NFKB1: variants seen among roughly 807,000 people sequenced by gnomAD.
NFKB1 encodes the protein nuclear factor kappa B subunit 1.
In NFKB1, 9 loss-of-function variants were observed where a neutral mutation model predicts 105.1. The ratio of observed to expected loss-of-function variants is 0.09; its 90% CI spans 0.05 to 0.15. The LOEUF is 0.15. Among genes scored for constraint, NFKB1 ranks in the 10% least tolerant of loss-of-function variants. NFKB1 has a pLI of 1.00. For missense variants in NFKB1, 830 were observed against 1,203.7 expected, an observed-to-expected ratio of 0.69 and a Z score of 4.59; for synonymous variants, 440 against 442.2, an observed-to-expected ratio of 1.00 and a Z score of 0.06.
chr4:102,519,872 T>G (rs1423208937), intron 1 of NFKB1, among the ~76,000 whole-genome samples: 2 of 152,160 alleles, frequency 1.3e-5, no homozygotes, highest in African/African-American at 4.8e-5. Context: ...TTAAGAGAAA[T>G]ATGTGAAGTT....
chr4:102,544,484 A>G (rs1044458163), intron 5 of NFKB1, among the ~76,000 whole-genome samples: 1 of 152,146 alleles, frequency 6.6e-6, no homozygotes, highest in Admixed American at 6.6e-5. Context: ...GAAGCTCACC[A>G]TTAGTGATTG....
chr4:102,519,257 A>G (rs544255242), intron 1 of NFKB1, among the ~76,000 whole-genome samples: 1 of 148,378 alleles, frequency 6.7e-6, no homozygotes, highest in South Asian at 2.1e-4. Flanking sequence ...AGTTTAATAT[A>G]TAAGTATATA....
chr4:102,577,553 C>A (rs189434772), intron 7 of NFKB1, among the ~76,000 whole-genome samples: 34 of 152,154 alleles, frequency 2.2e-4, no homozygotes, highest in Non-Finnish European at 3.1e-4. Flanking sequence ...CATTTTCTTG[C>A]CTTTTCTCAA....
intron 3 of NFKB1, among the ~76,000 whole-genome samples, chr4:102,532,078 A>G (rs1246377060): frequency 2.6e-5 from 4 of 152,192 alleles, no homozygotes; most frequent in Admixed American, 1.3e-4. Context: ...TGGTGGGGGA[A>G]TTTTTAAATT....
chr4:102,535,608 T>C (rs1055857244), intron 4 of NFKB1, among the ~76,000 whole-genome samples: 1 of 152,132 alleles, frequency 6.6e-6, no homozygotes, highest in Non-Finnish European at 1.5e-5. Context: ...TGAATGTGGA[T>C]TAAAGGCAAA....
chr4:102,602,805 T>C (rs1727304485), intron 16 of NFKB1, among the ~76,000 whole-genome samples: 1 of 152,220 alleles, frequency 6.6e-6, no homozygotes, highest in Admixed American at 6.5e-5. Context: ...ATTGTAGATT[T>C]ACATTTAAAG....
At chr4:102,592,647 C>G (rs1378475020) in intron 11 of NFKB1, among the ~76,000 whole-genome samples, 1 of 152,144 alleles carries the variant, frequency 6.6e-6, no homozygotes, top group East Asian at 1.9e-4. Flanking sequence ...TACTGGGAAA[C>G]CAAAAACATC....
chr4:102,565,678 T>TCTCC (rs1033927089), intron 5 of NFKB1, among the ~76,000 whole-genome samples: 2 of 151,808 alleles, frequency 1.3e-5, no homozygotes, highest in African/African-American at 4.8e-5. Context: ...TCCCTCCCTC[T>TCTCC]CTCCCTCCCT....
chr4:102,556,853 T>C (rs892779251), intron 5 of NFKB1, among the ~76,000 whole-genome samples: 1 of 152,206 alleles, frequency 6.6e-6, no homozygotes, highest in Admixed American at 6.5e-5. Flanking sequence ...TAGGTTTCAA[T>C]TAATGTTAAC....
At chr4:102,588,880 G>A (rs1189268284) in intron 11 of NFKB1, among the ~76,000 whole-genome samples, 1 of 152,156 alleles carries the variant, frequency 6.6e-6, no homozygotes, top group Non-Finnish European at 1.5e-5. Flanking sequence ...CCTGCAAAAG[G>A]AGAACTTGTA....
chr4:102,609,205 C>T (rs1358751168), intron 19 of NFKB1, among the ~76,000 whole-genome samples: 3 of 144,412 alleles, frequency 2.1e-5, no homozygotes, highest in African/African-American at 7.6e-5. Flanking sequence ...TTTAAAAATG[C>T]TTTATATTGA....
rs574832861 is a variant in NFKB1 at position 102,567,347 on chromosome 4, C to T, written c.407+212C>T. 4.6e-5 allele frequency among the ~76,000 whole-genome samples: 7 copies of T among 152,222 alleles called. No homozygotes were observed. The South Asian group carries it at 1.0e-3, about 23-fold the overall frequency. On this transcript the variant is annotated intron_variant, in intron 6 of 23. Transcript: ENST00000226574. Reference sequence around the variant, plus strand: ...TTGAGACAGCCCGGTTTGCCCCTGACCTAATTGTTTATAGCACCCTCTTCT... The same window carrying T: ...TTGAGACAGCCCGGTTTGCCCCTGATCTAATTGTTTATAGCACCCTCTTCT...
chr4:102,555,439 G>A (rs911807903), intron 5 of NFKB1, among the ~76,000 whole-genome samples: 6 of 152,184 alleles, frequency 3.9e-5, no homozygotes, highest in African/African-American at 7.2e-5. Context: ...ATAGAGAGAC[G>A]AAGATATGCC....
At chr4:102,537,752 C>T in intron 4 of NFKB1, 106 bp from the exon 5 acceptor site, 1 of 567,396 alleles carries the variant, frequency 1.8e-6, no homozygotes, top group South Asian at 2.6e-5. Flanking sequence ...TGTTTTTCTT[C>T]TCTCATTTAG....
chr4:102,559,934 T>A (rs1723269562), intron 5 of NFKB1, among the ~76,000 whole-genome samples: 1 of 143,208 alleles, frequency 7.0e-6, no homozygotes, highest in African/African-American at 2.6e-5. Context: ...CAAGACCCTG[T>A]CCCTTTAAAA....
chr4:102,511,634 C>T lies in NFKB1; in HGVS notation c.-8+9846C>T, dbSNP rs147957079. On this transcript the variant is annotated intron_variant, in intron 1 of 23. Coordinates refer to ENST00000226574, the MANE Select transcript of NFKB1 (RefSeq NM_003998.4). ...GAGGCTTCAGTGAGCAGCGATTGTG[C>T]CACTGCAGTCCAGTCTAGGCAACAA... 1.4e-3 allele frequency among the ~76,000 whole-genome samples: 207 copies of T among 152,150 alleles called. 4 individuals carry two copies. The highest frequency in any genetic ancestry group is 4.8e-3 in the African/African-American group (200 of 41,504).
Position 102,556,596 on chromosome 4 carries a change from A to C in NFKB1, c.259-10391A>C, listed in dbSNP as rs202015324. The stretch of plus-strand genomic sequence containing the variant: ...TGGCTAGTGGGTTTGGAAACATGGA[A>C]TCTGTCATGACCTTTACACACTTTT... On this transcript the variant is annotated intron_variant, in intron 5 of 23. Coordinates refer to ENST00000226574, the MANE Select transcript of NFKB1 (RefSeq NM_003998.4). Among the ~76,000 whole-genome samples, 10 of 152,300 alleles carry C rather than the reference A, an allele frequency of 6.6e-5. No individual in the cohort carries two copies. The East Asian group carries it at 1.9e-3, about 29-fold the overall frequency.
At chr4:102,573,249 G>C (rs142018793) in intron 6 of NFKB1, among the ~76,000 whole-genome samples, 1 of 152,000 alleles carries the variant, frequency 6.6e-6, no homozygotes, top group East Asian at 1.9e-4. Flanking sequence ...CAGAGGTTGC[G>C]GTGAGCCGAG....
chr4:102,511,975 G>A (rs1739813063), intron 1 of NFKB1, among the ~76,000 whole-genome samples: 1 of 152,100 alleles, frequency 6.6e-6, no homozygotes, highest in Non-Finnish European at 1.5e-5. Flanking sequence ...TATCCACATA[G>A]ACAATGGAGC....
Sources: gnomAD v4.1 joint callset for allele counts (sites outside exome capture counted in the v4.1 genomes callset) on GRCh38, gnomAD v4.1.1 for gene constraint, MANE v1.5 for transcripts, NCBI Gene and HGNC (gene_info 2026-07-23, HGNC 2026-07-21) for gene names.